Variants in THADA observed in about 807,000 individuals in gnomAD.
THADA encodes THADA armadillo repeat containing, also known as tRNA (32-2'-O)-methyltransferase regulator THADA.
A neutral mutation model predicts 219.8 loss-of-function variants in THADA; 213 were observed. That is an observed-to-expected ratio of 0.97 (90% confidence interval 0.87 to 1.09). The LOEUF (loss-of-function observed/expected upper bound fraction) is 1.09, where lower values mean the gene tolerates loss of function less well. THADA is among the 50% of genes least tolerant of loss of function. The pLI is 0.00. For missense variants in THADA, 2,956 were observed against 2,311.3 expected, an observed-to-expected ratio of 1.28 and a Z score of -5.72; for synonymous variants, 1,018 against 828.9, an observed-to-expected ratio of 1.23 and a Z score of -3.92.
intron 31 of THADA, among the ~76,000 whole-genome samples, chr2:43,294,266 G>C (rs912379754): frequency 1.3e-5 from 2 of 152,158 alleles, no homozygotes; most frequent in Non-Finnish European, 2.9e-5. Flanking sequence ...AGCTAAATAA[G>C]ATCACTGCCC....
chr2:43,481,737 C>G (rs924436405), intron 26 of THADA, among the ~76,000 whole-genome samples: 1 of 152,202 alleles, frequency 6.6e-6, no homozygotes, highest in East Asian at 1.9e-4. Context: ...TATGTTAATA[C>G]TGAGTTCATG....
intron 26 of THADA, among the ~76,000 whole-genome samples, chr2:43,447,546 C>T (rs1455954768): frequency 2.0e-5 from 3 of 152,188 alleles, no homozygotes; most frequent in Non-Finnish European, 2.9e-5. Flanking sequence ...GGCCATTAAT[C>T]TGCCTGTCAC....
chr2:43,335,517 A>G (rs1475410392), intron 30 of THADA, among the ~76,000 whole-genome samples: 2 of 152,206 alleles, frequency 1.3e-5, no homozygotes, highest in Non-Finnish European at 2.9e-5. Context: ...TCGATTTGAT[A>G]AGACTCTGTT....
chr2:43,418,616 G>C (rs1165830747), intron 28 of THADA, among the ~76,000 whole-genome samples: 1 of 152,154 alleles, frequency 6.6e-6, no homozygotes, highest in Non-Finnish European at 1.5e-5. Flanking sequence ...CTGTCCAATA[G>C]AAAGTTGAAC....
rs879530844 is a variant in THADA, at chr2:43,549,303, T to C, written c.3013A>G (p.Asn1005Asp). The change falls in exon 20 of 38, where the codon AAC becomes GAC. Residue 1005 changes from asparagine to aspartate, a missense_variant. Transcript: ENST00000405975. ...IQPRDTNDYF[N>D]QAKILKEHDS... ...TGTTCTTTCAATATTTTGGCTTGGTTAAAATAATCATTAGTATCTCGAGGC... is the reference window on the plus strand; with the variant it reads ...TGTTCTTTCAATATTTTGGCTTGGTCAAAATAATCATTAGTATCTCGAGGC... 5 of 1,601,166 alleles carry C rather than the reference T, an allele frequency of 3.1e-6. No individual in the cohort carries two copies. The highest frequency in any genetic ancestry group is 4.3e-6 in the Non-Finnish European group (5 of 1,173,894).
At chr2:43,532,245 T>A (rs1304129656) in intron 21 of THADA, among the ~76,000 whole-genome samples, 5 of 151,344 alleles carry the variant, frequency 3.3e-5, no homozygotes, top group African/African-American at 1.2e-4. Flanking sequence ...AACCCCCGTC[T>A]CTACTAAAAT....
At position 43,387,735 on chromosome 2, in the gene THADA, G is replaced by A. The variant is rs79222802; in HGVS notation, c.4227+10236C>T. ...GTTGTTGTTGTCACAAATGAAGGAG[G>A]GGTGCTACCAAACACACCACATTGC... On this transcript the variant is annotated intron_variant, in intron 29 of 37. Coordinates refer to ENST00000405975, the MANE Select transcript of THADA (RefSeq NM_022065.5). Among the ~76,000 whole-genome samples the A allele has an allele frequency of 3.9e-3, 587 of 152,210 alleles. 6 individuals carry two copies. Among genetic ancestry groups the A allele is most frequent in the African/African-American group, 0.013 (557 of 41,514 alleles).
chr2:43,449,005 T>C (rs936037005), intron 26 of THADA, among the ~76,000 whole-genome samples: 26 of 152,076 alleles, frequency 1.7e-4, no homozygotes, highest in African/African-American at 5.6e-4. Flanking sequence ...TGAGAAAGAC[T>C]TGATGGTAGA....
Position 43,428,124 on chromosome 2 carries a change from C to A in THADA, c.4034G>T (p.Gly1345Val). 6.2e-7 allele frequency: 1 copy of A among 1,610,422 alleles called. No individual in the cohort carries two copies. The highest frequency in any genetic ancestry group is 8.5e-7 in the Non-Finnish European group (1 of 1,177,950). ...MDGTSSALSM[G>V]PFVPFIMRCG... The stretch of plus-strand genomic sequence containing the variant: ...CCTCATAATGAAGGGAACAAAAGGT[C>A]CCATGCTGAGAGCAGAAGAAGTACC... The change falls in exon 28 of 38, where the codon GGA becomes GTA. Residue 1345 changes from glycine to valine, a missense_variant. By Grantham distance (109) the Gly-to-Val change is moderately radical. Coordinates refer to ENST00000405975, the MANE Select transcript of THADA (RefSeq NM_022065.5).
intron 15 of THADA, among the ~76,000 whole-genome samples, chr2:43,561,383 G>T (rs561821911): frequency 1.3e-5 from 2 of 152,232 alleles, no homozygotes; most frequent in South Asian, 4.1e-4. Context: ...TAGAGAAAAA[G>T]GAATTTCAGC....
At position 43,321,175 on chromosome 2, in the gene THADA, G is replaced by A. The variant is rs140915730; in HGVS notation, c.4344-635C>T. On this transcript the variant is annotated intron_variant, in intron 30 of 37. Coordinates refer to ENST00000405975, the MANE Select transcript of THADA (RefSeq NM_022065.5). ...GGGTATCTATATACAAAAGGATGAA[G>A]AAAGACTTTCTTTTTAAGAACAGCA... is the stretch of plus-strand genomic sequence containing the variant. Among the ~76,000 whole-genome samples, 14 of 152,312 alleles carry A rather than the reference G, an allele frequency of 9.2e-5. No homozygotes were observed. The East Asian group carries it at 2.7e-3, about 29-fold the overall frequency.
Position 43,428,151 on chromosome 2 carries a change from T to C in THADA, c.4007A>G (p.Asp1336Gly), listed in dbSNP as rs766919709. The C allele has an allele frequency of 1.9e-5, 30 of 1,611,032 alleles. No individual in the cohort carries two copies. The highest frequency in any genetic ancestry group is 2.7e-5 in the African/African-American group (2 of 74,810). Reference sequence around the variant, plus strand: ...CATGCTGAGAGCAGAAGAAGTACCATCCATCGGGGAAGCGTAGAGTCTCTC... The same window carrying C: ...CATGCTGAGAGCAGAAGAAGTACCACCCATCGGGGAAGCGTAGAGTCTCTC... ...VLERLYASPM[D>G]GTSSALSMGP... The change falls in exon 28 of 38, where the codon GAT becomes GGT. Residue 1336 changes from aspartate to glycine, a missense_variant. By Grantham distance (94) the Asp-to-Gly change is moderately conservative. Coordinates refer to ENST00000405975, the MANE Select transcript of THADA (RefSeq NM_022065.5).
chr2:43,532,560 G>C (rs1374555918), intron 21 of THADA, among the ~76,000 whole-genome samples: 6 of 151,996 alleles, frequency 3.9e-5, no homozygotes, highest in African/African-American at 1.2e-4. Flanking sequence ...ACCCCTTCAT[G>C]CTAAAAACTC....
At chr2:43,344,527 C>A (rs1465898803) in intron 29 of THADA, among the ~76,000 whole-genome samples, 1 of 152,192 alleles carries the variant, frequency 6.6e-6, no homozygotes, top group African/African-American at 2.4e-5. Flanking sequence ...TACAAACAAC[C>A]TATACACTGA....
At chr2:43,301,462 C>T (rs1261557524) in intron 31 of THADA, among the ~76,000 whole-genome samples, 1 of 152,172 alleles carries the variant, frequency 6.6e-6, no homozygotes, top group Non-Finnish European at 1.5e-5. Flanking sequence ...GTGAATTAGA[C>T]CTGGCTTTGC....
chr2:43,581,968 A>G (rs1176053244), intron 7 of THADA, 40 bp from the exon 8 acceptor site: 7 of 1,422,126 alleles, frequency 4.9e-6, no homozygotes, highest in Non-Finnish European at 5.6e-6. Flanking sequence ...AGGAAATTCA[A>G]ACAAAAGTGT....
chr2:43,325,999 C>CT (rs1217650699), intron 30 of THADA, among the ~76,000 whole-genome samples: 9 of 152,104 alleles, frequency 5.9e-5, no homozygotes, highest in Non-Finnish European at 1.2e-4. Flanking sequence ...TAAATATGCT[C>CT]TATCTTGAGC....
intron 20 of THADA, among the ~76,000 whole-genome samples, chr2:43,543,808 C>T (rs1054398205): frequency 6.6e-6 from 1 of 151,810 alleles, no homozygotes; most frequent in African/African-American, 2.4e-5. Flanking sequence ...AAATTTTCTC[C>T]CATTTTGTAG....
intron 26 of THADA, among the ~76,000 whole-genome samples, chr2:43,438,266 C>A (rs1017745787): frequency 1.3e-4 from 16 of 124,324 alleles, no homozygotes; most frequent in African/African-American, 3.6e-4. Context: ...CGTGCCACTG[C>A]ATTCCAGCCT....
Sources: gnomAD v4.1 joint callset for allele counts (sites outside exome capture counted in the v4.1 genomes callset) on GRCh38, gnomAD v4.1.1 for gene constraint, MANE v1.5 for transcripts, NCBI Gene and HGNC (gene_info 2026-07-23, HGNC 2026-07-21) for gene names.